Variants in PTPN4 observed in about 807,000 individuals in gnomAD.
PTPN4 encodes the protein protein tyrosine phosphatase non-receptor type 4.
A neutral mutation model predicts 135.5 loss-of-function variants in PTPN4; 49 were observed. The observed-to-expected ratio is 0.36, with a 90% CI of 0.29 to 0.46. PTPN4 has a LOEUF of 0.46. Among genes scored for constraint, PTPN4 ranks in the 20% least tolerant of loss-of-function variants. The pLI is 1.00. For synonymous variants in PTPN4, 333 were observed against 369.9 expected, an observed-to-expected ratio of 0.90 and a Z score of 1.14; for missense variants, 860 against 1,101.0, an observed-to-expected ratio of 0.78 and a Z score of 3.10.
intron 13 of PTPN4, among the ~76,000 whole-genome samples, chr2:119,929,738 A>G (rs547135086): frequency 6.8e-4 from 104 of 152,224 alleles, no homozygotes; most frequent in South Asian, 1.4e-3. Flanking sequence ...AACTGTTAAT[A>G]AAATAAAATA....
chr2:119,771,990 GT>G (rs1690743311), intron 1 of PTPN4, among the ~76,000 whole-genome samples: 1 of 152,152 alleles, frequency 6.6e-6, no homozygotes, highest in Admixed American at 6.5e-5. Context: ...AAATGAAGGA[GT>G]TTTCCAAGGG....
At chr2:119,897,497 G>A (rs1678342183) in intron 9 of PTPN4, among the ~76,000 whole-genome samples, 1 of 152,038 alleles carries the variant, frequency 6.6e-6, no homozygotes, top group Non-Finnish European at 1.5e-5. Context: ...GAATATTTTG[G>A]TTCTTAGGGC....
intron 2 of PTPN4, among the ~76,000 whole-genome samples, chr2:119,818,135 T>G (rs1031059918): frequency 6.6e-6 from 1 of 152,260 alleles, no homozygotes; most frequent in Non-Finnish European, 1.5e-5. Flanking sequence ...CCTCTCTTCC[T>G]ATTTGGATAC....
rs75352253 is a variant in PTPN4 at position 119,873,522 on chromosome 2, A to G, written c.247-3801A>G. Among the ~76,000 whole-genome samples the G allele has an allele frequency of 7.4e-3, 1,132 of 152,280 alleles. 13 individuals carry two copies. The highest frequency in any genetic ancestry group is 0.026 in the African/African-American group (1,069 of 41,568). On this transcript the variant is annotated intron_variant, in intron 3 of 26. Transcript: ENST00000263708. ...TTCTTCCCAGGGAAAAGAATGGGAAATTGGCTTTGAAAAGATTAGAAACCA... is the reference window on the plus strand; with the variant it reads ...TTCTTCCCAGGGAAAAGAATGGGAAGTTGGCTTTGAAAAGATTAGAAACCA...
At chr2:119,821,253 C>G (rs1005409102) in intron 2 of PTPN4, among the ~76,000 whole-genome samples, 17 of 152,002 alleles carry the variant, frequency 1.1e-4, no homozygotes, top group African/African-American at 4.1e-4. Context: ...CCACCATGCC[C>G]AGCTAATTTT....
chr2:119,896,490 T>C (rs543042361), intron 9 of PTPN4, among the ~76,000 whole-genome samples: 2 of 152,358 alleles, frequency 1.3e-5, no homozygotes, highest in East Asian at 3.9e-4. Context: ...CAGCTTAATC[T>C]AGCAGCATGT....
chr2:119,904,759 C>G (rs903721045), intron 10 of PTPN4, among the ~76,000 whole-genome samples: 7 of 152,140 alleles, frequency 4.6e-5, no homozygotes, highest in Non-Finnish European at 1.0e-4. Context: ...TGCAGATAAA[C>G]CAGTAGAAAT....
chr2:119,874,390 G>A (rs541205824), intron 3 of PTPN4, among the ~76,000 whole-genome samples: 2 of 152,252 alleles, frequency 1.3e-5, no homozygotes, highest in African/African-American at 4.8e-5. Flanking sequence ...GTTCATAGCA[G>A]TATTATTCAT....
At chr2:119,910,365 C>T (rs1464829369) in intron 10 of PTPN4, among the ~76,000 whole-genome samples, 2 of 152,074 alleles carry the variant, frequency 1.3e-5, no homozygotes, top group Admixed American at 1.3e-4. Flanking sequence ...CACTTTATCA[C>T]AGTATTCGCT....
intron 19 of PTPN4, among the ~76,000 whole-genome samples, chr2:119,953,791 A>G (rs934427926): frequency 2.0e-5 from 3 of 152,184 alleles, no homozygotes; most frequent in Non-Finnish European, 4.4e-5. Context: ...ATACTTTGAC[A>G]CCAAGACATT....
In PTPN4 at chr2:119,978,844, C is replaced by T. The variant is rs915251556; in HGVS notation, c.*1774C>T. On this transcript the variant is annotated 3_prime_UTR_variant, in exon 27 of 27. Coordinates refer to ENST00000263708, the MANE Select transcript of PTPN4 (RefSeq NM_002830.4). Reference sequence around the variant, plus strand: ...ATCTTTGGTATAATCTAAACGATGTCATTTCAGACATTCAAAACTCATAAT... The same window carrying T: ...ATCTTTGGTATAATCTAAACGATGTTATTTCAGACATTCAAAACTCATAAT... 2.0e-5 allele frequency: 3 copies of T among 152,170 alleles called. No individual in the cohort carries two copies. Among genetic ancestry groups the T allele is most frequent in the Middle Eastern group, 6.8e-3 (2 of 294 alleles). 9.4% of individuals were successfully genotyped at this position (152,170 alleles called of 1,614,324 possible).
Position 119,955,289 on chromosome 2 carries a change from G to A in PTPN4, c.1946G>A (p.Gly649Glu). 3 of 1,612,114 alleles carry A rather than the reference G, an allele frequency of 1.9e-6. No individual in the cohort carries two copies. Among genetic ancestry groups the A allele is most frequent in the Non-Finnish European group, 1.7e-6 (2 of 1,179,296 alleles). Residue 649 changes from glycine to glutamate, a missense_variant, in exon 20 of 27, where the codon GGG becomes GAG. Transcript: ENST00000263708. ...GAGTCAATGATCCAGCTAGCTGAGG[G>A]GCTTATCACTGGAACAGTCCTGACA... ...LRESMIQLAE[G>E]LITGTVLTQF... is the part of the protein sequence containing the mutation.
Position 119,877,550 on chromosome 2 carries a change from T to C in PTPN4, c.368+8T>C. On this transcript the variant is annotated splice_region_variant and intron_variant, in intron 5 of 26. Transcript: ENST00000263708. ...ACAAGAAGAATATACAAGGTGGGTTTATGGATATATTTTTCTTGAAAATAT... is the reference window on the plus strand; with the variant it reads ...ACAAGAAGAATATACAAGGTGGGTTCATGGATATATTTTTCTTGAAAATAT... 1 of 1,572,492 alleles carries C rather than the reference T, an allele frequency of 6.4e-7. No homozygotes were observed. Among genetic ancestry groups the C allele is most frequent in the South Asian group, 1.2e-5 (1 of 83,694 alleles).
At chr2:119,918,925 A>G (rs749738507) in intron 11 of PTPN4, among the ~76,000 whole-genome samples, 5 of 152,236 alleles carry the variant, frequency 3.3e-5, no homozygotes, top group Non-Finnish European at 1.5e-5. Flanking sequence ...ATAAACGTTG[A>G]ATTTATATCA....
intron 1 of PTPN4, among the ~76,000 whole-genome samples, chr2:119,797,045 T>G (rs1270875092): frequency 2.0e-5 from 3 of 152,206 alleles, no homozygotes; most frequent in Non-Finnish European, 2.9e-5. Flanking sequence ...TTTCGCCTTG[T>G]TTTTTTAATT....
intron 16 of PTPN4, 45 bp downstream of exon 16, chr2:119,945,285 A>G: frequency 1.4e-6 from 2 of 1,464,442 alleles, no homozygotes; most frequent in Non-Finnish European, 1.8e-6. Flanking sequence ...TGAATTTTTA[A>G]AATCCTAAAT....
intron 2 of PTPN4, among the ~76,000 whole-genome samples, chr2:119,861,984 G>A (rs896626530): frequency 8.5e-6 from 1 of 118,128 alleles, no homozygotes; most frequent in Non-Finnish European, 1.7e-5. Flanking sequence ...CCCTTTTATG[G>A]CATTATAATA....
At chr2:119,843,694 G>T (rs1462062530) in intron 2 of PTPN4, among the ~76,000 whole-genome samples, 1 of 67,256 alleles carries the variant, frequency 1.5e-5, no homozygotes, top group African/African-American at 7.3e-5. Flanking sequence ...CAGTAGGGGC[G>T]GCCGGGCAGA....
At chr2:119,763,025 A>G (rs907573853) in intron 1 of PTPN4, among the ~76,000 whole-genome samples, 3 of 152,174 alleles carry the variant, frequency 2.0e-5, no homozygotes, top group African/African-American at 7.2e-5. Flanking sequence ...AATGAGTAGT[A>G]TAGATGATGA....
Sources: gnomAD v4.1 joint callset for allele counts (sites outside exome capture counted in the v4.1 genomes callset) on GRCh38, gnomAD v4.1.1 for gene constraint, MANE v1.5 for transcripts, NCBI Gene and HGNC (gene_info 2026-07-23, HGNC 2026-07-21) for gene names.